Variants in TMC7 observed in about 807,000 individuals in gnomAD.
The protein encoded by TMC7 is transmembrane channel-like protein 7.
A neutral mutation model predicts 82.9 loss-of-function variants in TMC7; 54 were observed. The ratio of observed to expected loss-of-function variants is 0.65; its 90% CI spans 0.52 to 0.82. The LOEUF is 0.82. TMC7 is among the 40% of genes least tolerant of loss of function. TMC7 has a pLI of 0.00. For synonymous variants in TMC7, 350 were observed against 337.9 expected, an observed-to-expected ratio of 1.04 and a Z score of -0.39; for missense variants, 820 against 901.2, an observed-to-expected ratio of 0.91 and a Z score of 1.15.
intron 1 of TMC7, among the ~76,000 whole-genome samples, chr16:18,985,704 T>C (rs1454035245): frequency 2.0e-5 from 3 of 151,852 alleles, no homozygotes; most frequent in Non-Finnish European, 4.4e-5. Context: ...ATGAGTTTTT[T>C]TTTTTTTTTT....
chr16:19,005,190 G>A (rs1468894471), intron 1 of TMC7, among the ~76,000 whole-genome samples: 1 of 151,940 alleles, frequency 6.6e-6, no homozygotes, highest in African/African-American at 2.4e-5. Flanking sequence ...CTGGGTTCAC[G>A]CCATTCTTCT....
chr16:19,029,473 A>T (rs7188889), intron 5 of TMC7, among the ~76,000 whole-genome samples: 133,233 of 152,158 alleles, frequency 0.88, 59,595 homozygotes, highest in Non-Finnish European at 0.96. Context: ...AGTAGCACAA[A>T]CACGGCTTAT....
chr16:19,042,264 A>T (rs1395472983), intron 9 of TMC7, among the ~76,000 whole-genome samples: 4 of 151,476 alleles, frequency 2.6e-5, no homozygotes, highest in Admixed American at 1.3e-4. Context: ...AGCCTTGACC[A>T]CCTGGGCCCA....
At chr16:18,993,171 T>G (rs1164411367) in intron 1 of TMC7, among the ~76,000 whole-genome samples, 1 of 152,056 alleles carries the variant, frequency 6.6e-6, no homozygotes, top group Non-Finnish European at 1.5e-5. Flanking sequence ...AGAATGGGAA[T>G]GAGAACAAGA....
chr16:18,991,938 G>A (rs557177035), intron 1 of TMC7, among the ~76,000 whole-genome samples: 16 of 152,154 alleles, frequency 1.1e-4, no homozygotes, highest in African/African-American at 3.9e-4. Context: ...ATCCTTTTTT[G>A]TGGCTGCATA....
At position 19,061,950 on chromosome 16, in the gene TMC7, A is replaced by AT; in HGVS notation, c.*112dup. On this transcript the variant is annotated 3_prime_UTR_variant, in exon 16 of 16. Coordinates refer to ENST00000304381, the MANE Select transcript of TMC7 (RefSeq NM_024847.4). Reference sequence around the variant, plus strand: ...GTTTTGAGTGGACATTTAAAAATATATTTTTCTTGAGTTTAGGCTTTTCCA... The same window carrying AT: ...GTTTTGAGTGGACATTTAAAAATATATTTTTTCTTGAGTTTAGGCTTTTCCA... 1 of 914,210 alleles carries AT rather than the reference A, an allele frequency of 1.1e-6. No homozygotes were observed. Among genetic ancestry groups the AT allele is most frequent in the Non-Finnish European group, 1.6e-6 (1 of 621,944 alleles). The allele number at this position is 914,210 out of a possible 1,614,324, so 56.6% of individuals were successfully genotyped here. A position where few individuals can be genotyped will look rare whatever the true frequency, so the allele number is the denominator to read the frequency against.
rs896066075 is a variant in TMC7, at chr16:19,047,083, C to G, written c.1574C>G (p.Ser525Cys). Residue 525 changes from serine to cysteine, a missense_variant, in exon 12 of 16, where the codon TCC becomes TGC. Ser to Cys is a moderately radical substitution (Grantham distance 112, BLOSUM62 -1). Around this residue, in one of 2 missense-constraint regions of TMC7, gnomAD observed 650 missense variants for 669.9 expected, o/e 0.97. Coordinates refer to ENST00000304381, the MANE Select transcript of TMC7 (RefSeq NM_024847.4). ...TCCAGGCTCCTGGTGACCTACTGTT[C>G]CTCTTGCAAGCTGATTCAGTGCTGG... Reference protein sequence around the residue: ...FPRKLLVTYCSSCKLIQCWGQ... With the variant: ...FPRKLLVTYCCSCKLIQCWGQ... The G allele has an allele frequency of 3.1e-6, 5 of 1,611,102 alleles. No homozygotes were observed. Among genetic ancestry groups the G allele is most frequent in the Non-Finnish European group, 3.4e-6 (4 of 1,178,942 alleles).
chr16:18,998,262 A>G (rs1475818353), intron 1 of TMC7, among the ~76,000 whole-genome samples: 1 of 152,234 alleles, frequency 6.6e-6, no homozygotes, highest in Non-Finnish European at 1.5e-5. Context: ...TCTACATTTT[A>G]TAGGTGGGAA....
chr16:19,016,474 G>A lies in TMC7; in HGVS notation c.336G>A (p.Lys112=), dbSNP rs778433464. The change falls in exon 3 of 16, where the codon AAG becomes AAA. Residue 112 remains lysine, a synonymous_variant. Transcript: ENST00000304381. ...GGGACATTCAAGAGACACAAATGAAGTATCTCTCCGAATGGGACCAGTGGA... is the reference window on the plus strand; with the variant it reads ...GGGACATTCAAGAGACACAAATGAAATATCTCTCCGAATGGGACCAGTGGA... ...RLRDIQETQM[K]YLSEWDQWKR... 6 of 1,614,202 alleles carry A rather than the reference G, an allele frequency of 3.7e-6. No homozygotes were observed. The Admixed American group carries it at 6.7e-5, about 18-fold the overall frequency.
chr16:19,012,193 C>T (rs544860742), intron 2 of TMC7: 20 of 150,962 alleles, frequency 1.3e-4, no homozygotes, highest in African/African-American at 3.4e-4. Flanking sequence ...AAAATTGGAG[C>T]GATACAGAGA....
intron 1 of TMC7, among the ~76,000 whole-genome samples, chr16:18,987,552 C>G (rs1226043460): frequency 6.6e-6 from 1 of 152,082 alleles, no homozygotes; most frequent in Non-Finnish European, 1.5e-5. Flanking sequence ...GTGATCCGCC[C>G]ACCTCGGCCT....
chr16:19,007,067 C>T (rs1235468359), intron 1 of TMC7, among the ~76,000 whole-genome samples: 2 of 151,952 alleles, frequency 1.3e-5, no homozygotes, highest in East Asian at 1.9e-4. Flanking sequence ...TCAGGTGATC[C>T]GCCTGCCTCG....
At chr16:19,052,398 T>C (rs1961579418) in intron 13 of TMC7, among the ~76,000 whole-genome samples, 2 of 152,190 alleles carry the variant, frequency 1.3e-5, no homozygotes, top group African/African-American at 2.4e-5. Flanking sequence ...GGGCTCACTA[T>C]GTTGCCCAGG....
chr16:19,056,840 AT>A, intron 14 of TMC7, 143 bp downstream of exon 14: 4 of 977,398 alleles, frequency 4.1e-6, no homozygotes, highest in Non-Finnish European at 6.0e-6. Context: ...AATGGGCATA[AT>A]AGGCCAGGCG....
At chr16:19,022,514 A>G (rs1960025762) in intron 4 of TMC7, among the ~76,000 whole-genome samples, 1 of 152,176 alleles carries the variant, frequency 6.6e-6, no homozygotes, top group Non-Finnish European at 1.5e-5. Flanking sequence ...GCAGTTACCT[A>G]CAGTATTCAG....
At chr16:19,022,906 G>C (rs977748506) in intron 4 of TMC7, among the ~76,000 whole-genome samples, 26 of 152,132 alleles carry the variant, frequency 1.7e-4, no homozygotes, top group African/African-American at 6.0e-4. Context: ...TATGATCCCA[G>C]CTACTTGGGA....
At chr16:19,055,683 T>C (rs1239973316) in intron 13 of TMC7, among the ~76,000 whole-genome samples, 2 of 152,222 alleles carry the variant, frequency 1.3e-5, no homozygotes, top group Non-Finnish European at 2.9e-5. Context: ...ATTGCTTCTA[T>C]TTCTTCTATC....
chr16:19,040,852 T>G (rs1455029445), intron 9 of TMC7, among the ~76,000 whole-genome samples: 1 of 152,020 alleles, frequency 6.6e-6, no homozygotes, highest in Admixed American at 6.6e-5. Flanking sequence ...CATTTGCATC[T>G]TATTTCAAAC....
intron 5 of TMC7, among the ~76,000 whole-genome samples, chr16:19,029,143 C>T (rs1432020323): frequency 1.3e-5 from 2 of 151,344 alleles, no homozygotes; most frequent in East Asian, 2.0e-4. Flanking sequence ...GTAGCTGGGA[C>T]TACAGGCGCC....
Sources: gnomAD v4.1 joint callset for allele counts (sites outside exome capture counted in the v4.1 genomes callset) on GRCh38, gnomAD v4.1.1 for gene constraint, gnomAD v4.1.1 regional missense constraint, MANE v1.5 for transcripts, NCBI Gene and HGNC (gene_info 2026-07-23, HGNC 2026-07-21) for gene names.